DOK3: variants seen among roughly 807,000 people sequenced by gnomAD.
The protein encoded by DOK3 is Dok-like protein.
A neutral mutation model predicts 26.2 loss-of-function variants in DOK3; 23 were observed. The observed-to-expected ratio is 0.88, with a 90% confidence interval of 0.63 to 1.24. The LOEUF (loss-of-function observed/expected upper bound fraction) is 1.24. DOK3 is among the 50% of genes most tolerant of loss of function. DOK3 has a pLI of 0.00. For missense variants in DOK3, 619 were observed against 610.6 expected, an observed-to-expected ratio of 1.01 and a Z score of -0.15; for synonymous variants, 268 against 268.2, an observed-to-expected ratio of 1.00 and a Z score of 0.01.
chr5:177,505,776 G>A (rs570233490), intron 3 of DOK3, among the ~76,000 whole-genome samples: 11 of 151,830 alleles, frequency 7.2e-5, no homozygotes, highest in Non-Finnish European at 1.3e-4. Flanking sequence ...CACTCTTGTC[G>A]CCCAGGCTGG....
chr5:177,510,029 TC>T, upstream of DOK3: 1 of 823,412 alleles, frequency 1.2e-6, no homozygotes. Context: ...GAAATCTCTC[TC>T]GTGTTCACCT....
upstream of DOK3, chr5:177,510,777 A>G (rs916234616): frequency 6.6e-6 from 1 of 152,252 alleles, no homozygotes; most frequent in Non-Finnish European, 1.5e-5. Context: ...GTGCTCAGAA[A>G]AATTAAGTAA....
In DOK3 at chr5:177,504,113, C is replaced by A. The variant is rs751752292; in HGVS notation, c.1193G>T (p.Arg398Leu). 6.2e-6 allele frequency: 10 copies of A among 1,613,486 alleles called. No homozygotes were observed. The highest frequency in any genetic ancestry group is 1.7e-5 in the Admixed American group (1 of 59,982). Residue 398 changes from arginine (R) to leucine (L), a missense_variant, in exon 6 of 6, where the codon CGG (arginine) becomes CTG (leucine). By Grantham distance (102) the Arg-to-Leu change is moderately radical (BLOSUM62 -2). Coordinates refer to ENST00000510898, the MANE Select transcript of DOK3 (RefSeq NM_001308236.3). ...ANDSTLEAQY[R>L]RLLELDQVEG... is the part of the protein sequence containing the mutation. ...CACCTGATCCAGCTCCAGCAGCCGC[C>A]GGTACTGGGCCTCCAGGGTACTGTC...
intron 2 of DOK3, 39 bp downstream of exon 2, chr5:177,509,436 T>C (rs1361435945): frequency 6.3e-7 from 1 of 1,581,908 alleles, no homozygotes. Flanking sequence ...CCACCCACTG[T>C]TGGTCCTTGG....
chr5:177,507,194 T>C (rs1760309150), intron 3 of DOK3, among the ~76,000 whole-genome samples: 1 of 151,910 alleles, frequency 6.6e-6, no homozygotes, highest in Non-Finnish European at 1.5e-5. Flanking sequence ...TTTTCTTTTT[T>C]TTTTTTGAGA....
Position 177,508,236 on chromosome 5 carries a change from C to A in DOK3, c.372+1G>T. The A allele has an allele frequency of 6.7e-7, 1 of 1,489,710 alleles. No homozygotes were observed. The highest frequency in any genetic ancestry group is 9.0e-7 in the Non-Finnish European group (1 of 1,114,934). 92.3% of individuals were successfully genotyped at this position (1,489,710 alleles called of 1,614,324 possible). ...ATCGCCCCCCTGCTCGCCGCACTCA[C>A]CGGGAAGGCCAGCTGGCAGATGGGG... On this transcript the variant is annotated splice_donor_variant, in intron 3 of 5. Coordinates refer to ENST00000510898, the MANE Select transcript of DOK3 (RefSeq NM_001308236.3). LOFTEE classifies it high-confidence loss of function.
In DOK3 at chr5:177,503,388, A is replaced by G. The variant is rs1759562640; in HGVS notation, c.*595T>C. 1.3e-6 allele frequency: 2 copies of G among 1,534,970 alleles called. No individual in the cohort carries two copies. Among genetic ancestry groups the G allele is most frequent in the African/African-American group, 1.4e-5 (1 of 72,626 alleles). On this transcript the variant is annotated 3_prime_UTR_variant, in exon 6 of 6. Transcript: ENST00000510898. ...GAGACTGACGCCTGGGGTTCCCAGA[A>G]GTATCTGCAAATTGTTGGAGTTTCA...
chr5:177,504,684 G>A (rs1182450605), intron 5 of DOK3, 24 bp from the exon 6 acceptor site: 1 of 1,613,630 alleles, frequency 6.2e-7, no homozygotes, highest in Non-Finnish European at 8.5e-7. Flanking sequence ...ACACGGGTGG[G>A]GATTAGCAGG....
In DOK3 at chr5:177,503,727, C is replaced by T; in HGVS notation, c.*256G>A. 1 of 1,408,806 alleles carries T rather than the reference C, an allele frequency of 7.1e-7. No individual in the cohort carries two copies. The highest frequency in any genetic ancestry group is 9.2e-7 in the Non-Finnish European group (1 of 1,086,574). The allele number at this position is 1,408,806 out of a possible 1,614,324, so 87.3% of individuals were successfully genotyped here. ...CGGCACAGGGTGCTTGTGTTGGCCG[C>T]AATGAACGTGGGCAGGGGCGTGTGC... On this transcript the variant is annotated 3_prime_UTR_variant, in exon 6 of 6. Coordinates refer to ENST00000510898, the MANE Select transcript of DOK3 (RefSeq NM_001308236.3).
At chr5:177,510,136 A>C, upstream of DOK3, 2 of 562,342 alleles carry the variant, frequency 3.6e-6, no homozygotes, top group Non-Finnish European at 6.4e-6. Context: ...CACTCTCCAC[A>C]ACCCAAGACC....
rs1384168638 is a variant in DOK3 at position 177,504,267 on chromosome 5, C to T, written c.1039G>A (p.Val347Met). 2 of 1,609,908 alleles carry T rather than the reference C, an allele frequency of 1.2e-6. No homozygotes were observed. Among genetic ancestry groups the T allele is most frequent in the Non-Finnish European group, 8.5e-7 (1 of 1,178,114 alleles). ...TGCAGCGTGGGGCTGGCCTCCAGCA[C>T]ACACAGGTTCTCATAGAGGTGCTCA... Reference protein sequence around the residue: ...GNEHLYENLCVLEASPTLHGG... With the variant: ...GNEHLYENLCMLEASPTLHGG... The change falls in exon 6 of 6, where the codon GTG becomes ATG. Residue 347 changes from valine (V) to methionine (M), a missense_variant. Coordinates refer to ENST00000510898, the MANE Select transcript of DOK3 (RefSeq NM_001308236.3).
Position 177,508,452 on chromosome 5 carries a change from G to A in DOK3, c.157C>T (p.Leu53=), listed in dbSNP as rs1352043009. The A allele has an allele frequency of 6.3e-7, 1 of 1,594,536 alleles. No homozygotes were observed. Among genetic ancestry groups the A allele is most frequent in the Non-Finnish European group, 8.5e-7 (1 of 1,172,222 alleles). ...LESWEVRDGG[L]GAAGDRSAGP... ...GCCGACCTGTCACCCGCTGCTCCCA[G>A]GCCACCATCCCGGACCTCCCAGCTC... Residue 53 remains leucine (L), a synonymous_variant, in exon 3 of 6, where the codon CTG becomes TTG. Coordinates refer to ENST00000510898, the MANE Select transcript of DOK3 (RefSeq NM_001308236.3).
Position 177,504,770 on chromosome 5 carries a change from G to C in DOK3, c.618C>G (p.His206Gln), listed in dbSNP as rs371372826. Residue 206 changes from histidine (H) to glutamine (Q), a missense_variant, in exon 5 of 6, where the codon CAC (histidine) becomes CAG (glutamine). Transcript: ENST00000510898. ...GTQALYSWPY[H>Q]FLRKFGSDKG... is the part of the protein sequence containing the mutation. Reference sequence around the variant, plus strand: ...TGTCGGAGCCGAACTTGCGCAGGAAGTGGTAGGGCCAGCTGTAGAGGGCCT... The same window carrying C: ...TGTCGGAGCCGAACTTGCGCAGGAACTGGTAGGGCCAGCTGTAGAGGGCCT... 2.5e-6 allele frequency: 4 copies of C among 1,614,078 alleles called. No individual in the cohort carries two copies. The highest frequency in any genetic ancestry group is 3.4e-6 in the Non-Finnish European group (4 of 1,179,944).
Position 177,508,318 on chromosome 5 carries a change from G to T in DOK3, c.291C>A (p.Leu97=). The T allele has an allele frequency of 1.9e-6, 3 of 1,591,058 alleles. No homozygotes were observed. The highest frequency in any genetic ancestry group is 2.6e-6 in the Non-Finnish European group (3 of 1,173,688). ...SCPRDTGAFL[L]TTTERSHLLA... ...GTAGATGGCTTCGCTCGGTGGTGGT[G>T]AGCAGGAAGGCACCGGTGTCCCGGG... Residue 97 remains leucine (L), a synonymous_variant, in exon 3 of 6, where the codon CTC becomes CTA. Coordinates refer to ENST00000510898, the MANE Select transcript of DOK3 (RefSeq NM_001308236.3).
Position 177,505,005 on chromosome 5 carries a change from A to T in DOK3, c.472+6T>A, listed in dbSNP as rs772255485. The stretch of plus-strand genomic sequence containing the variant: ...TGAGGCTGCCCTTGCACGTCCTCCA[A>T]CTTACCTTCCTGCCAGGAGGAGTAG... On this transcript the variant is annotated splice_donor_region_variant and intron_variant, in intron 4 of 5. Coordinates refer to ENST00000510898, the MANE Select transcript of DOK3 (RefSeq NM_001308236.3). 6 of 1,604,814 alleles carry T rather than the reference A, an allele frequency of 3.7e-6. No homozygotes were observed. In the East Asian group the frequency reaches 1.3e-4, roughly 36 times the overall value.
Position 177,503,538 on chromosome 5 carries a change from G to A in DOK3, c.*445C>T. 7.1e-7 allele frequency: 1 copy of A among 1,414,020 alleles called. No individual in the cohort carries two copies. Among genetic ancestry groups the A allele is most frequent in the South Asian group, 1.5e-5 (1 of 65,848 alleles). 87.6% of individuals were successfully genotyped at this position (1,414,020 alleles called of 1,614,324 possible). A position where few individuals can be genotyped will look rare whatever the true frequency, so the allele number is the denominator to read the frequency against. The stretch of plus-strand genomic sequence containing the variant: ...TTGGGCCCTCATGTTGCTCCTTCCT[G>A]AGTCTGACAAGTAAGCCTCACAGCT... On this transcript the variant is annotated 3_prime_UTR_variant, in exon 6 of 6. Coordinates refer to ENST00000510898, the MANE Select transcript of DOK3 (RefSeq NM_001308236.3).
chr5:177,504,377 G>A lies in DOK3; in HGVS notation c.929C>T (p.Pro310Leu), dbSNP rs367712454. 2.2e-5 allele frequency: 34 copies of A among 1,568,132 alleles called. No homozygotes were observed. Among genetic ancestry groups the A allele is most frequent in the East Asian group, 1.4e-4 (6 of 44,386 alleles). The change falls in exon 6 of 6, where the codon CCG becomes CTG. Residue 310 changes from proline (P) to leucine (L), a missense_variant. Pro to Leu is a moderately conservative substitution (Grantham distance 98, BLOSUM62 -3). Coordinates refer to ENST00000510898, the MANE Select transcript of DOK3 (RefSeq NM_001308236.3). Reference sequence around the variant, plus strand: ...GTTGGGCTCCGGGCCTAGCAGTAGCGGCAGGCTCTGGGGTCCGGGCTCGGC... The same window carrying A: ...GTTGGGCTCCGGGCCTAGCAGTAGCAGCAGGCTCTGGGGTCCGGGCTCGGC... ...HLAEPGPQSL[P>L]LLLGPEPNDL... is the part of the protein sequence containing the mutation.
In DOK3 at chr5:177,504,430, C is replaced by T. The variant is rs895284935; in HGVS notation, c.876G>A (p.Glu292=). 3 of 1,573,952 alleles carry T rather than the reference C, an allele frequency of 1.9e-6. No individual in the cohort carries two copies. The highest frequency in any genetic ancestry group is 1.2e-5 in the South Asian group (1 of 84,736). Reference sequence around the variant, plus strand: ...GGTGCATTTTCCTGGACGTGGGTGGCTCAGGTCCTGGTGGCATCTCCCGAA... The same window carrying T: ...GGTGCATTTTCCTGGACGTGGGTGGTTCAGGTCCTGGTGGCATCTCCCGAA... ...GELREMPPGP[E]PPTSRKMHLA... Residue 292 remains glutamate, a synonymous_variant, in exon 6 of 6, where the codon GAG becomes GAA. Coordinates refer to ENST00000510898, the MANE Select transcript of DOK3 (RefSeq NM_001308236.3).
At chr5:177,508,144 T>G in intron 3 of DOK3, 93 bp downstream of exon 3, 5 of 1,349,046 alleles carry the variant, frequency 3.7e-6, no homozygotes, top group Non-Finnish European at 3.9e-6. Flanking sequence ...AGGTGCTCGG[T>G]GGAGCTTGCT....
Sources: allele counts gnomAD v4.1 joint callset (sites outside exome capture counted in the v4.1 genomes callset), GRCh38; gene constraint gnomAD v4.1.1; transcripts MANE v1.5; gene names NCBI Gene and HGNC (gene_info 2026-07-23, HGNC 2026-07-21).